SNTG2: variants seen among roughly 807,000 people sequenced by gnomAD.
The protein encoded by SNTG2 is gamma-2-syntrophin.
A neutral mutation model predicts 70.9 loss-of-function variants in SNTG2; 74 were observed. The ratio of observed to expected loss-of-function variants is 1.04; its 90% CI spans 0.86 to 1.27. SNTG2 has a LOEUF of 1.27. SNTG2 is among the 50% of genes most tolerant of loss of function. SNTG2 has a pLI of 0.00. For synonymous variants in SNTG2, 278 were observed against 273.8 expected, an observed-to-expected ratio of 1.02 and a Z score of -0.15; for missense variants, 717 against 690.7, an observed-to-expected ratio of 1.04 and a Z score of -0.43.
chr2:975,655 A>AG (rs1220565560), intron 1 of SNTG2, among the ~76,000 whole-genome samples: 1 of 151,906 alleles, frequency 6.6e-6, no homozygotes, highest in Non-Finnish European at 1.5e-5. Context: ...GACAAAAAAT[A>AG]CCTACTGTGT....
intron 1 of SNTG2, among the ~76,000 whole-genome samples, chr2:998,289 T>C (rs1322681824): frequency 6.6e-6 from 1 of 152,054 alleles, no homozygotes; most frequent in Non-Finnish European, 1.5e-5. Flanking sequence ...TCTAGCAGTA[T>C]ATCCTAACCA....
At chr2:1,244,739 C>T (rs962616157) in intron 11 of SNTG2, among the ~76,000 whole-genome samples, 1 of 150,674 alleles carries the variant, frequency 6.6e-6, no homozygotes, top group African/African-American at 2.4e-5. Context: ...ATTTAGAACT[C>T]AGGCAATTTC....
At chr2:1,338,236 G>T (rs1239622453) in intron 16 of SNTG2, among the ~76,000 whole-genome samples, 1 of 152,152 alleles carries the variant, frequency 6.6e-6, no homozygotes, top group Non-Finnish European at 1.5e-5. Context: ...AAATGTCTTT[G>T]GGATTTGAAT....
chr2:1,273,740 CT>C (rs1679153370), intron 14 of SNTG2, among the ~76,000 whole-genome samples: 1 of 151,370 alleles, frequency 6.6e-6, no homozygotes, highest in Admixed American at 6.6e-5. Context: ...TCTTTGTGAC[CT>C]CTGGTTATGC....
Position 1,120,739 on chromosome 2 carries a change from G to A in SNTG2, c.326-16883G>A, listed in dbSNP as rs558278156. Among the ~76,000 whole-genome samples the A allele has an allele frequency of 5.3e-5, 8 of 152,144 alleles. No individual in the cohort carries two copies. In the South Asian group the frequency reaches 1.7e-3, roughly 32 times the overall value. On this transcript the variant is annotated intron_variant, in intron 4 of 16. Transcript: ENST00000308624. ...AAACATATATGCATCCGACATTGGAGTACTTAAATACATAAAGCAAATATT... is the reference window on the plus strand; with the variant it reads ...AAACATATATGCATCCGACATTGGAATACTTAAATACATAAAGCAAATATT...
intron 6 of SNTG2, among the ~76,000 whole-genome samples, chr2:1,146,229 A>T (rs1220063049): frequency 1.3e-5 from 2 of 152,188 alleles, no homozygotes. Context: ...TATTATATAC[A>T]ATTTAATTGC....
intron 1 of SNTG2, among the ~76,000 whole-genome samples, chr2:979,667 C>T (rs947039315): frequency 6.6e-6 from 1 of 152,180 alleles, no homozygotes; most frequent in Non-Finnish European, 1.5e-5. Context: ...TTTCTGCTCT[C>T]CTTTAAAAAG....
intron 11 of SNTG2, among the ~76,000 whole-genome samples, chr2:1,245,380 T>C (rs1395075918): frequency 6.6e-6 from 1 of 152,246 alleles, no homozygotes; most frequent in Non-Finnish European, 1.5e-5. Context: ...GTGCCTGGTC[T>C]TCCTGGAATG....
chr2:1,109,097 G>A (rs1180823859), intron 4 of SNTG2, among the ~76,000 whole-genome samples: 1 of 152,068 alleles, frequency 6.6e-6, no homozygotes, highest in East Asian at 1.9e-4. Context: ...GACGCACGCT[G>A]TCACTGGGGC....
At chr2:954,578 C>CTT (rs1289762657) in intron 1 of SNTG2, among the ~76,000 whole-genome samples, 1 of 152,310 alleles carries the variant, frequency 6.6e-6, no homozygotes, top group Non-Finnish European at 1.5e-5. Context: ...CTAGATGTCA[C>CTT]TTTCCCCCAG....
intron 4 of SNTG2, among the ~76,000 whole-genome samples, chr2:1,110,611 C>T (rs1666378685): frequency 1.3e-5 from 2 of 152,204 alleles, no homozygotes; most frequent in African/African-American, 2.4e-5. Context: ...GAGACTTGAG[C>T]AGCTGAGATG....
At chr2:1,026,330 G>A (rs894175106) in intron 1 of SNTG2, among the ~76,000 whole-genome samples, 3 of 152,104 alleles carry the variant, frequency 2.0e-5, no homozygotes, top group African/African-American at 7.2e-5. Flanking sequence ...AACACGCAGG[G>A]GAGAGGACTT....
intron 1 of SNTG2, among the ~76,000 whole-genome samples, chr2:1,016,659 T>C (rs780548953): frequency 7.9e-5 from 12 of 152,246 alleles, no homozygotes; most frequent in Non-Finnish European, 1.6e-4. Flanking sequence ...GAATTTATGC[T>C]GAACAGGTTG....
chr2:1,127,219 A>T (rs1401038462), intron 4 of SNTG2, among the ~76,000 whole-genome samples: 1 of 151,940 alleles, frequency 6.6e-6, no homozygotes, highest in Non-Finnish European at 1.5e-5. Context: ...TGAAGAGAAA[A>T]TGTTCTCAAT....
chr2:1,157,539 G>T (rs1056220343), intron 6 of SNTG2, among the ~76,000 whole-genome samples: 2 of 152,162 alleles, frequency 1.3e-5, no homozygotes, highest in Admixed American at 1.3e-4. Flanking sequence ...CCATAAGTAG[G>T]TTCCTTATGT....
chr2:1,227,985 G>A (rs555262961), intron 9 of SNTG2, among the ~76,000 whole-genome samples: 207 of 152,256 alleles, frequency 1.4e-3, no homozygotes, highest in African/African-American at 4.8e-3. Context: ...GAAGCCTCCC[G>A]CCTCGTGCTG....
chr2:1,282,659 C>CCCGCCCA, intron 14 of SNTG2, among the ~76,000 whole-genome samples: 1 of 149,740 alleles, frequency 6.7e-6, no homozygotes, highest in South Asian at 2.2e-4. Context: ...TCCGGGAACT[C>CCCGCCCA]CCCCCGCCCC....
chr2:1,022,594 CCT>C (rs1386566818), intron 1 of SNTG2, among the ~76,000 whole-genome samples: 2 of 152,130 alleles, frequency 1.3e-5, no homozygotes, highest in Admixed American at 6.5e-5. Context: ...TTTCTGATTC[CCT>C]GTGTTCCTCT....
chr2:1,332,068 T>G (rs532065797), intron 16 of SNTG2, among the ~76,000 whole-genome samples: 40 of 152,322 alleles, frequency 2.6e-4, no homozygotes, highest in African/African-American at 9.4e-4. Context: ...CAGGCCTTTG[T>G]TGGGTTCCAG....
Sources: gnomAD v4.1 joint callset for allele counts (sites outside exome capture counted in the v4.1 genomes callset) on GRCh38, gnomAD v4.1.1 for gene constraint, MANE v1.5 for transcripts, NCBI Gene and HGNC (gene_info 2026-07-23, HGNC 2026-07-21) for gene names.